Variants in RERE observed in about 807,000 individuals in gnomAD.
RERE encodes the protein arginine-glutamic acid dipeptide repeats protein.
In RERE, 40 loss-of-function variants were observed where a neutral mutation model predicts 146.1. The observed-to-expected ratio is 0.27, with a 90% confidence interval of 0.21 to 0.36. RERE has a LOEUF of 0.36. Among genes scored for constraint, RERE ranks in the 10% least tolerant of loss-of-function variants. RERE has a pLI of 1.00. For synonymous variants in RERE, 1,003 were observed against 866.0 expected (o/e 1.16, Z -2.78); for missense variants, 1,933 against 2,138.7 (o/e 0.90, Z 1.90).
Position 8,629,417 on chromosome 1 carries a change from G to A in RERE, c.326-5037C>T, listed in dbSNP as rs116204091. On this transcript the variant is annotated intron_variant, in intron 2 of 22. Coordinates refer to ENST00000400908, the MANE Select transcript of RERE (RefSeq NM_001042681.2). ...AGCTTCATGTCCAAAGATCTATTGT[G>A]CCATCTGTAAACAACAGAGCATTTG... 8.0e-3 allele frequency among the ~76,000 whole-genome samples: 1,216 copies of A among 152,238 alleles called. 12 individuals are homozygous for A. Among genetic ancestry groups the A allele is most frequent in the African/African-American group, 0.028 (1,162 of 41,540 alleles).
intron 4 of RERE, among the ~76,000 whole-genome samples, chr1:8,572,055 C>T (rs561136722): frequency 6.6e-6 from 1 of 152,294 alleles, no homozygotes; most frequent in East Asian, 1.9e-4. Flanking sequence ...TTTAAAATCT[C>T]TTGTCATCTT....
intron 11 of RERE, among the ~76,000 whole-genome samples, chr1:8,444,327 T>G (rs1357202057): frequency 6.6e-6 from 1 of 152,168 alleles, no homozygotes; most frequent in African/African-American, 2.4e-5. Context: ...ATTTCTACCT[T>G]TTGGAATGGG....
chr1:8,662,179 A>G (rs979694204), intron 1 of RERE, among the ~76,000 whole-genome samples: 1 of 152,222 alleles, frequency 6.6e-6, no homozygotes, highest in Non-Finnish European at 1.5e-5. Flanking sequence ...CACTTAATCT[A>G]GGGGAAAGAA....
chr1:8,511,000 C>G (rs2124307850), intron 7 of RERE, among the ~76,000 whole-genome samples: 1 of 152,192 alleles, frequency 6.6e-6, no homozygotes, highest in African/African-American at 2.4e-5. Context: ...AAGGGACCCC[C>G]ACCTCAGCCT....
At chr1:8,572,055 CTT>C (rs1023788995) in intron 4 of RERE, among the ~76,000 whole-genome samples, 4 of 152,294 alleles carry the variant, frequency 2.6e-5, no homozygotes, top group Admixed American at 6.5e-5. Context: ...TTTAAAATCT[CTT>C]GTCATCTTTT....
At chr1:8,398,699 C>A (rs1643143286) in intron 12 of RERE, among the ~76,000 whole-genome samples, 1 of 152,168 alleles carries the variant, frequency 6.6e-6, no homozygotes, top group South Asian at 2.1e-4. Flanking sequence ...AAATACGCAG[C>A]CTAAAAACAG....
chr1:8,471,679 AT>A (rs895315507), intron 10 of RERE, among the ~76,000 whole-genome samples: 1 of 151,682 alleles, frequency 6.6e-6, no homozygotes, highest in African/African-American at 2.4e-5. Flanking sequence ...TGCCTGGCTA[AT>A]TTTTTTTATT....
intron 7 of RERE, chr1:8,525,870 CA>C: frequency 6.8e-7 from 1 of 1,469,998 alleles, no homozygotes; most frequent in Non-Finnish European, 9.0e-7. Context: ...ACTAACAACT[CA>C]AAATGGAGGC....
chr1:8,428,820 C>A (rs916079976), intron 11 of RERE, among the ~76,000 whole-genome samples: 1 of 152,092 alleles, frequency 6.6e-6, no homozygotes, highest in Admixed American at 6.5e-5. Flanking sequence ...ATAAAAATAA[C>A]CACGTCAAAA....
At chr1:8,504,315 G>C (rs1645220176) in intron 8 of RERE, among the ~76,000 whole-genome samples, 1 of 152,100 alleles carries the variant, frequency 6.6e-6, no homozygotes, top group South Asian at 2.1e-4. Flanking sequence ...AAGTGAAAAG[G>C]ACAAAAACCA....
Position 8,422,715 on chromosome 1 carries a change from A to G in RERE, c.1284+12T>C, listed in dbSNP as rs934142419. On this transcript the variant is annotated intron_variant, in intron 12 of 22. Coordinates refer to ENST00000400908, the MANE Select transcript of RERE (RefSeq NM_001042681.2). ...GAAAAAATCAAGTTACATAAAGTCC[A>G]ATTGTACTCACTGTTTCCTTATTGG... 8.8e-6 allele frequency: 14 copies of G among 1,595,342 alleles called. No individual in the cohort carries two copies. The African/African-American group carries it at 1.7e-4, about 20-fold the overall frequency.
chr1:8,515,134 G>A (rs1248866944), intron 7 of RERE, among the ~76,000 whole-genome samples: 2 of 152,202 alleles, frequency 1.3e-5, no homozygotes, highest in South Asian at 2.1e-4. Flanking sequence ...ACTCTGGGAC[G>A]CTGAGGCAAG....
intron 1 of RERE, among the ~76,000 whole-genome samples, chr1:8,720,383 GATT>G (rs1241444569): frequency 6.6e-6 from 1 of 151,938 alleles, no homozygotes; most frequent in East Asian, 1.9e-4. Flanking sequence ...ATAACCAACA[GATT>G]TTTTTGTATT....
chr1:8,706,117 A>C (rs1639556160), intron 1 of RERE, among the ~76,000 whole-genome samples: 1 of 37,452 alleles, frequency 2.7e-5, no homozygotes, highest in Non-Finnish European at 5.6e-5. Flanking sequence ...CGTCTCCAAA[A>C]AAAAAAAAAA....
Position 8,356,028 on chromosome 1 carries a change from T to A in RERE, c.4486+72A>T, listed in dbSNP as rs1489639376. On this transcript the variant is annotated intron_variant, in intron 21 of 22. Transcript: ENST00000400908. The surrounding 1 kb of genome is among the most constrained non-coding windows in gnomAD (Gnocchi z 5.2). ...CATGAATGAATGAATGAGTAATGAA[T>A]GAAGACAGCAGACCAGACCCCAACC... 2.1e-6 allele frequency: 3 copies of A among 1,410,302 alleles called. No homozygotes were observed. The highest frequency in any genetic ancestry group is 3.0e-5 in the African/African-American group (2 of 66,520). The allele number at this position is 1,410,302 out of a possible 1,614,324, so 87.4% of individuals were successfully genotyped here.
intron 1 of RERE, among the ~76,000 whole-genome samples, chr1:8,791,946 G>C (rs1044680725): frequency 1.3e-5 from 2 of 152,142 alleles, no homozygotes; most frequent in African/African-American, 4.8e-5. Context: ...AGATAAATTA[G>C]GCCGGGCATG....
intron 4 of RERE, among the ~76,000 whole-genome samples, chr1:8,582,319 G>A (rs929921289): frequency 1.3e-5 from 2 of 150,784 alleles, no homozygotes; most frequent in East Asian, 1.9e-4. Flanking sequence ...CAATCCTACC[G>A]CCTCAGCCTC....
intron 1 of RERE, among the ~76,000 whole-genome samples, chr1:8,748,318 T>C (rs1052089548): frequency 6.6e-6 from 1 of 152,168 alleles, no homozygotes; most frequent in Non-Finnish European, 1.5e-5. Flanking sequence ...GTGGGAATTA[T>C]CTTAGACTCT....
At chr1:8,757,038 C>T (rs1040007064) in intron 1 of RERE, among the ~76,000 whole-genome samples, 42 of 144,548 alleles carry the variant, frequency 2.9e-4, no homozygotes, top group Middle Eastern at 7.3e-3. Context: ...GGCATTGAGC[C>T]GAGATTGTGC....
Sources: allele counts gnomAD v4.1 joint callset (sites outside exome capture counted in the v4.1 genomes callset), GRCh38; gene constraint gnomAD v4.1.1; non-coding constraint Gnocchi (gnomAD v3.1); transcripts MANE v1.5; gene names NCBI Gene and HGNC (gene_info 2026-07-23, HGNC 2026-07-21).